Variants in GNL3L observed in about 807,000 individuals in gnomAD.
The protein encoded by GNL3L is G protein nucleolar 3 like.
A neutral mutation model predicts 42.9 loss-of-function variants in GNL3L; 4 were observed. That is an observed-to-expected ratio of 0.09 (90% confidence interval 0.05 to 0.21). The LOEUF is 0.21. GNL3L is among the 10% of genes least tolerant of loss of function. The pLI is 1.00. For synonymous variants in GNL3L, 159 were observed against 176.3 expected (o/e 0.90, Z 0.78); for missense variants, 412 against 481.7 (o/e 0.86, Z 1.36).
chrX:54,605,463 C>T (rs1031577868), intron 16 of GNL3L, among the ~76,000 whole-genome samples: 17 of 111,363 alleles, frequency 1.5e-4, no homozygotes, highest in Non-Finnish European at 1.9e-5. Context: ...GCCCCATCTT[C>T]GGCCCCCCAT....
At chrX:54,588,830 A>G (rs1925827114) in intron 16 of GNL3L, among the ~76,000 whole-genome samples, 1 of 112,140 alleles carries the variant, frequency 8.9e-6, no homozygotes, top group Non-Finnish European at 1.9e-5. Context: ...AACCAGCCAT[A>G]TCGGCAATGC....
chrX:54,599,211 T>C (rs1455963930), intron 16 of GNL3L, among the ~76,000 whole-genome samples: 1 of 111,816 alleles, frequency 8.9e-6, no homozygotes, highest in Non-Finnish European at 1.9e-5. Flanking sequence ...GTGAAATATT[T>C]AAAGTACTGA....
intron 16 of GNL3L, among the ~76,000 whole-genome samples, chrX:54,604,637 C>T (rs1051538293): frequency 3.6e-5 from 4 of 111,577 alleles, no homozygotes; most frequent in Non-Finnish European, 7.5e-5. Context: ...TTAACATTGA[C>T]TCCAACATTA....
chrX:54,545,149 C>T (rs747152532), intron 8 of GNL3L, among the ~76,000 whole-genome samples: 21 of 112,157 alleles, frequency 1.9e-4, no homozygotes, highest in South Asian at 1.1e-3. Flanking sequence ...CTCCTGACCT[C>T]GGGTGATCCA....
chrX:54,606,626 C>T (rs1926064114), intron 16 of GNL3L, among the ~76,000 whole-genome samples: 1 of 107,130 alleles, frequency 9.3e-6, no homozygotes, highest in Admixed American at 1.0e-4. Flanking sequence ...TAGGTGTGTG[C>T]CACTATGCCA....
At chrX:54,578,651 G>A (rs1280847293) in intron 16 of GNL3L, among the ~76,000 whole-genome samples, 5 of 112,347 alleles carry the variant, frequency 4.5e-5, no homozygotes, top group Middle Eastern at 4.6e-3. Context: ...GTCTTCCATT[G>A]TATGGCTATA....
At chrX:54,541,133 C>T (rs1924599246) in intron 4 of GNL3L, 140 bp from the exon 5 acceptor site, 2 of 453,272 alleles carry the variant, frequency 4.4e-6, no homozygotes, top group South Asian at 3.4e-5. Context: ...CCCTCATCTC[C>T]TGATGTCATA....
intron 2 of GNL3L, 73 bp from the exon 3 acceptor site, chrX:54,538,967 G>C: frequency 1.6e-6 from 1 of 609,518 alleles, no homozygotes; most frequent in Non-Finnish European, 2.5e-6. Flanking sequence ...GTGTGGCCTG[G>C]CCTTGATTCA....
chrX:54,624,499 G>A (rs1298308196), downstream of GNL3L, among the ~76,000 whole-genome samples: 4 of 99,546 alleles, frequency 4.0e-5, no homozygotes, highest in Non-Finnish European at 8.0e-5. Flanking sequence ...GTGCAATGGC[G>A]TGATCTCGGC....
intron 16 of GNL3L, among the ~76,000 whole-genome samples, chrX:54,590,407 GT>G (rs1925853420): frequency 1.8e-5 from 2 of 111,518 alleles, no homozygotes; most frequent in South Asian, 7.4e-4. Flanking sequence ...CAAATTTTTA[GT>G]TTTTTTCCTG....
chrX:54,544,123 A>G (rs1300581844), intron 7 of GNL3L, 100 bp from the exon 8 acceptor site: 2 of 482,193 alleles, frequency 4.1e-6, no homozygotes, highest in African/African-American at 2.4e-5. Flanking sequence ...TGTTGATGGT[A>G]GGTGGGCCTA....
chrX:54,594,090 G>C (rs1360592475), intron 16 of GNL3L, among the ~76,000 whole-genome samples: 2 of 111,762 alleles, frequency 1.8e-5, no homozygotes, highest in African/African-American at 6.5e-5. Context: ...GTCACTGGAT[G>C]AAATGTTCCA....
At chrX:54,606,847 C>T (rs1160775168) in intron 16 of GNL3L, among the ~76,000 whole-genome samples, 2 of 109,286 alleles carry the variant, frequency 1.8e-5, no homozygotes, top group Non-Finnish European at 3.8e-5. Flanking sequence ...TGCTATGTTG[C>T]CTAGGCTGGT....
At chrX:54,633,977 C>T in the GNL3L span, among the ~76,000 whole-genome samples, 404 of 112,564 alleles carry the variant, frequency 3.6e-3, 2 homozygotes, top group African/African-American at 0.012. Flanking sequence ...ATTTCTGGTG[C>T]GAAATCAACT....
chrX:54,607,253 G>GA (rs1569542644), intron 16 of GNL3L, among the ~76,000 whole-genome samples: 1 of 96,511 alleles, frequency 1.0e-5, no homozygotes, highest in South Asian at 5.4e-4. Context: ...CCCCTGAGCA[G>GA]AAAAAAAATG....
intron 2 of GNL3L, among the ~76,000 whole-genome samples, chrX:54,535,933 T>G (rs187380912): frequency 1.3e-3 from 130 of 101,950 alleles, no homozygotes; most frequent in Non-Finnish European, 2.3e-3. Flanking sequence ...TGGCTAATTT[T>G]TTTTTTTTTT....
At chrX:54,535,222 G>C (rs1045016436) in intron 2 of GNL3L, among the ~76,000 whole-genome samples, 1 of 111,083 alleles carries the variant, frequency 9.0e-6, no homozygotes, top group African/African-American at 3.3e-5. Context: ...GGGTTCAAGC[G>C]ATTCTCTTGC....
intron 16 of GNL3L, among the ~76,000 whole-genome samples, chrX:54,593,549 TC>T (rs1490413408): frequency 9.0e-6 from 1 of 110,572 alleles, no homozygotes; most frequent in Non-Finnish European, 1.9e-5. Context: ...TTTTATCTTC[TC>T]CCAACTTTTT....
intron 1 of GNL3L, among the ~76,000 whole-genome samples, chrX:54,531,643 T>C (rs1037873347): frequency 9.0e-6 from 1 of 111,179 alleles, no homozygotes. Context: ...CCAGAATAGC[T>C]CACTGCAGGT....
Sources: gnomAD v4.1 joint callset for allele counts (sites outside exome capture counted in the v4.1 genomes callset) on GRCh38, gnomAD v4.1.1 for gene constraint, MANE v1.5 for transcripts, NCBI Gene and HGNC (gene_info 2026-07-23, HGNC 2026-07-21) for gene names.